The following GNPTAB variants were observed in gnomAD, a reference collection of about 807,000 sequenced individuals.
The protein encoded by GNPTAB is N-acetylglucosamine-1-phosphotransferase subunits alpha/beta.
GNPTAB carries 92 observed loss-of-function variants against 136.6 expected under a neutral mutation model. The observed-to-expected ratio is 0.67, with a 90% CI of 0.57 to 0.80. The LOEUF (loss-of-function observed/expected upper bound fraction) is 0.80, where lower values mean the gene tolerates loss of function less well. GNPTAB is among the 30% of genes least tolerant of loss of function. The pLI is 0.00. For missense variants in GNPTAB, 1,343 were observed against 1,501.8 expected, an observed-to-expected ratio of 0.89 and a Z score of 1.75; for synonymous variants, 512 against 535.1, an observed-to-expected ratio of 0.96 and a Z score of 0.60.
intron 13 of GNPTAB, among the ~76,000 whole-genome samples, chr12:101,763,026 G>C (rs1409116451): frequency 6.6e-6 from 1 of 151,520 alleles, no homozygotes; most frequent in Non-Finnish European, 1.5e-5. Flanking sequence ...TTCGAGACCA[G>C]CCTGGCTAAC....
chr12:101,792,915 A>G (rs1432907714), intron 2 of GNPTAB, among the ~76,000 whole-genome samples: 1 of 152,222 alleles, frequency 6.6e-6, no homozygotes, highest in African/African-American at 2.4e-5. Context: ...TGAATTTATC[A>G]ATAAATAAAT....
chr12:101,827,478 C>T (rs1871150456), intron 1 of GNPTAB, among the ~76,000 whole-genome samples: 1 of 152,148 alleles, frequency 6.6e-6, no homozygotes, highest in African/African-American at 2.4e-5. Flanking sequence ...TCAAGCAATC[C>T]TCCAGCCTTA....
At chr12:101,750,618 T>C (rs990160152) in intron 19 of GNPTAB, among the ~76,000 whole-genome samples, 16 of 152,210 alleles carry the variant, frequency 1.1e-4, no homozygotes, top group African/African-American at 3.9e-4. Context: ...CAAATTGAAT[T>C]TGGGGAGTTA....
chr12:101,810,660 T>C (rs1320648713), intron 1 of GNPTAB: 1 of 151,622 alleles, frequency 6.6e-6, no homozygotes, highest in Non-Finnish European at 1.5e-5. Context: ...CCACAGAGCC[T>C]ACATTTTAAA....
chr12:101,770,575 T>C lies in GNPTAB; in HGVS notation c.944A>G (p.Asp315Gly), dbSNP rs1953156642. ...AAAACGACTGGCAGAGATGTCTTCA[T>C]CCTGCTTAGACTGAGAAAAACACTT... ...DLSAISQSKQDEDISASRFED... is the reference protein window; with the variant it reads ...DLSAISQSKQGEDISASRFED... Residue 315 changes from aspartate (D) to glycine (G), a missense_variant, in exon 9 of 21, where the codon GAT becomes GGT. By Grantham distance (94) the Asp-to-Gly change is moderately conservative (BLOSUM62 -1). Transcript: ENST00000299314. 5.6e-6 allele frequency: 9 copies of C among 1,611,666 alleles called. No homozygotes were observed. The highest frequency in any genetic ancestry group is 7.6e-6 in the Non-Finnish European group (9 of 1,177,932).
chr12:101,825,681 C>T (rs546136459), intron 1 of GNPTAB, among the ~76,000 whole-genome samples: 22 of 100,880 alleles, frequency 2.2e-4, no homozygotes, highest in African/African-American at 1.1e-3. Flanking sequence ...ATTGGCATCT[C>T]TAGTATAAAA....
chr12:101,761,604 G>A lies in GNPTAB; in HGVS notation c.2875C>T (p.His959Tyr). ...TGCATAACAATCCGGTCAATCATGT[G>A]AGGCATGTGAGCAGGGACTTTCCGC... ...TSRKVPAHMP[H>Y]MIDRIVMQEL... Residue 959 changes from histidine to tyrosine, a missense_variant, in exon 14 of 21, where the codon CAC becomes TAC. Physicochemically the swap from His to Tyr is moderately conservative, Grantham distance 83. Coordinates refer to ENST00000299314, the MANE Select transcript of GNPTAB (RefSeq NM_024312.5). 6.2e-7 allele frequency: 1 copy of A among 1,614,158 alleles called. No individual in the cohort carries two copies. The highest frequency in any genetic ancestry group is 8.5e-7 in the Non-Finnish European group (1 of 1,180,034).
intron 18 of GNPTAB, among the ~76,000 whole-genome samples, chr12:101,754,894 T>C (rs113111340): frequency 1.8e-3 from 278 of 152,252 alleles, no homozygotes; most frequent in African/African-American, 6.5e-3. Flanking sequence ...GATTTATTCA[T>C]ATACACATGC....
At chr12:101,830,221 C>T (rs1195053275) in intron 1 of GNPTAB, among the ~76,000 whole-genome samples, 1 of 152,178 alleles carries the variant, frequency 6.6e-6, no homozygotes, top group African/African-American at 2.4e-5. Flanking sequence ...AGGGAGACCT[C>T]CGTCTCTATT....
chr12:101,786,290 A>G, intron 4 of GNPTAB, 73 bp from the exon 5 acceptor site: 1 of 1,242,484 alleles, frequency 8.0e-7, no homozygotes, highest in Non-Finnish European at 1.2e-6. Flanking sequence ...TTGTCATACT[A>G]CTAAATTTTT....
chr12:101,794,580 C>G (rs530761680), intron 2 of GNPTAB, among the ~76,000 whole-genome samples: 2 of 152,050 alleles, frequency 1.3e-5, no homozygotes, highest in South Asian at 4.2e-4. Flanking sequence ...ATATATTAGA[C>G]CATGTGAAAT....
Position 101,770,209 on chromosome 12 carries a change from CAAAA to C in GNPTAB, c.1114-22_1114-19del. 5.6e-6 allele frequency: 9 copies of C among 1,611,910 alleles called. No individual in the cohort carries two copies. Among genetic ancestry groups the C allele is most frequent in the Admixed American group, 1.7e-5 (1 of 59,630 alleles). On this transcript the variant is annotated intron_variant, in intron 9 of 20. Coordinates refer to ENST00000299314, the MANE Select transcript of GNPTAB (RefSeq NM_024312.5). The stretch of plus-strand genomic sequence containing the variant: ...AAAACATCCTTTTAACAACAACAAA[CAAAA>C]AAAGAGAGTGAATGAGAGCTGTTTG...
intron 1 of GNPTAB, among the ~76,000 whole-genome samples, chr12:101,801,870 T>C (rs1412119674): frequency 6.6e-6 from 1 of 151,668 alleles, no homozygotes; most frequent in African/African-American, 2.4e-5. Context: ...TAGTAAGACC[T>C]TGTCTCTTCA....
At chr12:101,824,883 G>A (rs1428200303) in intron 1 of GNPTAB, among the ~76,000 whole-genome samples, 1 of 152,112 alleles carries the variant, frequency 6.6e-6, no homozygotes, top group Non-Finnish European at 1.5e-5. Context: ...TAAACCACTA[G>A]TAATTCAAAA....
intron 1 of GNPTAB, among the ~76,000 whole-genome samples, chr12:101,797,129 T>C (rs189289630): frequency 7.9e-5 from 12 of 152,264 alleles, no homozygotes; most frequent in African/African-American, 2.6e-4. Context: ...AAGGGCAAAT[T>C]GTTTCAGGGC....
chr12:101,788,708 G>C, intron 3 of GNPTAB, 119 bp from the exon 4 acceptor site: 1 of 684,680 alleles, frequency 1.5e-6, no homozygotes, highest in South Asian at 1.6e-5. Flanking sequence ...CATGGTACCA[G>C]GCTGTCAGCC....
At position 101,757,572 on chromosome 12, in the gene GNPTAB, C is replaced by T. The variant is rs1318052203; in HGVS notation, c.3335G>A (p.Arg1112Lys). The T allele has an allele frequency of 1.4e-6, 2 of 1,412,514 alleles. No individual in the cohort carries two copies. Among genetic ancestry groups the T allele is most frequent in the African/African-American group, 1.4e-5 (1 of 70,860 alleles). 87.5% of individuals were successfully genotyped at this position (1,412,514 alleles called of 1,614,324 possible). ...AAGGGAGTATGCGTGTACTACTTAC[C>T]TATATTTGTTTTTGTCCTTATATGC... ...HKAYKDKNKY[R>K]FEIMGEEEIA... The change falls in exon 17 of 21, where the codon AGG becomes AAG. Residue 1112 changes from arginine (R) to lysine (K), a missense_variant and splice_region_variant. Arg to Lys is a conservative substitution (Grantham distance 26, BLOSUM62 2). Coordinates refer to ENST00000299314, the MANE Select transcript of GNPTAB (RefSeq NM_024312.5).
At position 101,830,606 on chromosome 12, in the gene GNPTAB, A is replaced by C. The variant is rs141329633; in HGVS notation, c.70T>G (p.Phe24Val). The change falls in exon 1 of 21, where the codon TTC becomes GTC. Residue 24 changes from phenylalanine (F) to valine (V), a missense_variant. Coordinates refer to ENST00000299314, the MANE Select transcript of GNPTAB (RefSeq NM_024312.5). ...ACGATGGTGACAACGACGCCCAAGA[A>C]GCACACGTAGAGCCCATACCTGTGG... is the stretch of plus-strand genomic sequence containing the variant. ...LSHRYGLYVC[F>V]LGVVVTIVSA... 333 of 1,613,050 alleles carry C rather than the reference A, an allele frequency of 2.1e-4. 1 individual carries two copies. Among genetic ancestry groups the C allele is most frequent in the Non-Finnish European group, 1.5e-4 (179 of 1,179,430 alleles).
intron 3 of GNPTAB, 131 bp from the exon 4 acceptor site, chr12:101,788,720 T>C (rs1319166745): frequency 3.1e-5 from 21 of 669,762 alleles, no homozygotes; most frequent in East Asian, 5.4e-5. Context: ...CTGTCAGCCA[T>C]TTTCATGCAC....
Sources: gnomAD v4.1 joint callset for allele counts (sites outside exome capture counted in the v4.1 genomes callset) on GRCh38, gnomAD v4.1.1 for gene constraint, MANE v1.5 for transcripts, NCBI Gene and HGNC (gene_info 2026-07-23, HGNC 2026-07-21) for gene names.